CACNA2D1: variants seen among roughly 807,000 people sequenced by gnomAD.
CACNA2D1 encodes the protein calcium voltage-gated channel auxiliary subunit alpha2delta 1, also known as voltage-dependent calcium channel subunit alpha-2/delta-1.
A neutral mutation model predicts 171.5 loss-of-function variants in CACNA2D1; 53 were observed. The ratio of observed to expected loss-of-function variants is 0.31; its 90% CI spans 0.25 to 0.39. CACNA2D1 has a LOEUF of 0.39. CACNA2D1 is among the 10% of genes least tolerant of loss of function. The probability of loss-of-function intolerance (pLI) is 1.00; values close to 1 mark genes in which losing one functional copy is unlikely to be tolerated. For synonymous variants in CACNA2D1, 442 were observed against 443.1 expected (o/e 1.00, Z 0.03); for missense variants, 903 against 1,299.8 (o/e 0.69, Z 4.69).
At chr7:82,230,067 C>T (rs376258692) in intron 3 of CACNA2D1, among the ~76,000 whole-genome samples, 8 of 152,238 alleles carry the variant, frequency 5.3e-5, no homozygotes, top group South Asian at 2.1e-4. Flanking sequence ...GAAAAGTGCA[C>T]ATTAAGTATA....
At chr7:82,145,162 C>G (rs1584908823) in intron 4 of CACNA2D1, among the ~76,000 whole-genome samples, 1 of 149,284 alleles carries the variant, frequency 6.7e-6, no homozygotes, top group East Asian at 2.0e-4. Flanking sequence ...ACTTATACCT[C>G]CTGTGTACTG....
rs549430892 is a variant in CACNA2D1, at chr7:82,349,261, A to G, written c.177+307T>C. 4.6e-5 allele frequency among the ~76,000 whole-genome samples: 7 copies of G among 152,354 alleles called. 1 individual carries two copies. Among genetic ancestry groups the G allele is most frequent in the Admixed American group, 4.6e-4 (7 of 15,308 alleles). On this transcript the variant is annotated intron_variant, in intron 2 of 38. Coordinates refer to ENST00000356860, the MANE Select transcript of CACNA2D1 (RefSeq NM_000722.4). ...TAAATATATTCTGAAGAATGGAAAC[A>G]TTATAATAGTAAGTACATGACTTCC...
chr7:82,348,281 C>G (rs1165552937), intron 2 of CACNA2D1, among the ~76,000 whole-genome samples: 1 of 152,186 alleles, frequency 6.6e-6, no homozygotes, highest in Non-Finnish European at 1.5e-5. Flanking sequence ...TACACACTTT[C>G]ATATTCTAAT....
At chr7:82,124,154 AT>A (rs974377332) in intron 5 of CACNA2D1, among the ~76,000 whole-genome samples, 1 of 152,186 alleles carries the variant, frequency 6.6e-6, no homozygotes, top group African/African-American at 2.4e-5. Context: ...CTGTAAGGTA[AT>A]TTTTTAAATG....
At position 82,312,509 on chromosome 7, in the gene CACNA2D1, CTTT is replaced by C. The variant is rs557443177; in HGVS notation, c.294+22623_294+22625del. 7.9e-3 allele frequency among the ~76,000 whole-genome samples: 942 copies of C among 118,976 alleles called. 12 individuals are homozygous for C. The highest frequency in any genetic ancestry group is 0.028 in the African/African-American group (844 of 30,098). 78.1% of individuals were successfully genotyped at this position (118,976 alleles called of 152,430 possible). On this transcript the variant is annotated intron_variant, in intron 3 of 38. Coordinates refer to ENST00000356860, the MANE Select transcript of CACNA2D1 (RefSeq NM_000722.4). ...AGTAGACTCAGAAAGTTAACTGAAA[CTTT>C]TTTTTTTTTTTTTTTTTTTGAGACA... is the stretch of plus-strand genomic sequence containing the variant.
At chr7:82,195,536 G>T (rs1205238702) in intron 3 of CACNA2D1, among the ~76,000 whole-genome samples, 1 of 151,652 alleles carries the variant, frequency 6.6e-6, no homozygotes, top group African/African-American at 2.4e-5. Flanking sequence ...TTTGTTTTTA[G>T]GTCTGTAGAA....
chr7:82,266,489 T>G (rs941989964), intron 3 of CACNA2D1, among the ~76,000 whole-genome samples: 10 of 152,130 alleles, frequency 6.6e-5, no homozygotes, highest in African/African-American at 2.4e-4. Flanking sequence ...CAGTGCTTCC[T>G]AACAGAAGTC....
chr7:81,963,431 C>CT (rs1439338266), intron 34 of CACNA2D1, among the ~76,000 whole-genome samples: 3 of 151,774 alleles, frequency 2.0e-5, no homozygotes, highest in African/African-American at 7.3e-5. Context: ...TTAGTTACAA[C>CT]TAAACAATGA....
At chr7:82,206,194 G>T (rs544870072) in intron 3 of CACNA2D1, among the ~76,000 whole-genome samples, 41 of 151,964 alleles carry the variant, frequency 2.7e-4, no homozygotes, top group Non-Finnish European at 4.7e-4. Flanking sequence ...TACAAGCTCA[G>T]TGTGAATCAA....
At chr7:82,150,422 TA>T (rs3839798) in intron 4 of CACNA2D1, among the ~76,000 whole-genome samples, 81,213 of 140,538 alleles carry the variant, frequency 0.58, 23,047 homozygotes, top group African/African-American at 0.64. Flanking sequence ...AGCTTTCCCT[TA>T]AAAAAAAAAA....
intron 1 of CACNA2D1, among the ~76,000 whole-genome samples, chr7:82,407,878 T>G (rs1020106933): frequency 6.6e-6 from 1 of 152,274 alleles, no homozygotes; most frequent in South Asian, 2.1e-4. Flanking sequence ...GCCTAATAGA[T>G]ATAGCCCATC....
chr7:82,406,472 T>A (rs563564855), intron 1 of CACNA2D1, among the ~76,000 whole-genome samples: 5 of 152,304 alleles, frequency 3.3e-5, no homozygotes, highest in East Asian at 1.9e-4. Context: ...CGCCACACTG[T>A]CTTCCACAAT....
intron 10 of CACNA2D1, among the ~76,000 whole-genome samples, chr7:82,051,901 T>G (rs1805235798): frequency 6.6e-6 from 1 of 152,186 alleles, no homozygotes; most frequent in Non-Finnish European, 1.5e-5. Flanking sequence ...CATTTCAGCT[T>G]TGCTAACAGC....
chr7:82,086,177 C>T (rs1810466089), intron 6 of CACNA2D1, among the ~76,000 whole-genome samples: 1 of 152,032 alleles, frequency 6.6e-6, no homozygotes, highest in South Asian at 2.1e-4. Flanking sequence ...AAATGAATGC[C>T]ATCATGGTTA....
At chr7:82,108,751 T>G (rs1457820903) in intron 6 of CACNA2D1, among the ~76,000 whole-genome samples, 1 of 152,174 alleles carries the variant, frequency 6.6e-6, no homozygotes, top group Non-Finnish European at 1.5e-5. Context: ...TTTAAAAAGA[T>G]AGTGAAAGTA....
chr7:82,096,155 G>A (rs1220048045), intron 6 of CACNA2D1, among the ~76,000 whole-genome samples: 1 of 152,136 alleles, frequency 6.6e-6, no homozygotes, highest in Admixed American at 6.5e-5. Context: ...TTTTCTTAAA[G>A]AACCAGGCGG....
At chr7:82,108,972 G>T (rs886259413) in intron 6 of CACNA2D1, among the ~76,000 whole-genome samples, 28 of 152,084 alleles carry the variant, frequency 1.8e-4, no homozygotes, top group Non-Finnish European at 3.8e-4. Context: ...CAATCACTTT[G>T]TTACAGAAGC....
At chr7:82,003,585 T>C (rs1358270823) in intron 18 of CACNA2D1, among the ~76,000 whole-genome samples, 1 of 150,298 alleles carries the variant, frequency 6.7e-6, no homozygotes, top group African/African-American at 2.4e-5. Context: ...AGCCCTTAGA[T>C]GGTAGATTTA....
chr7:82,271,456 T>C (rs1469762008), intron 3 of CACNA2D1, among the ~76,000 whole-genome samples: 1 of 152,152 alleles, frequency 6.6e-6, no homozygotes, highest in Non-Finnish European at 1.5e-5. Context: ...TATAATTGTA[T>C]TCATTTTCTA....
Sources: allele counts gnomAD v4.1 joint callset (sites outside exome capture counted in the v4.1 genomes callset), GRCh38; gene constraint gnomAD v4.1.1; transcripts MANE v1.5; gene names NCBI Gene and HGNC (gene_info 2026-07-23, HGNC 2026-07-21).